PSG11: variants seen among roughly 807,000 people sequenced by gnomAD.
PSG11 encodes the protein pregnancy specific beta-1-glycoprotein 11, also known as pregnancy-specific beta-1-glycoprotein 11.
In PSG11, 42 loss-of-function variants were observed where a neutral mutation model predicts 36.0. That is an observed-to-expected ratio of 1.17 (90% CI 0.91 to 1.51). PSG11 has a LOEUF of 1.51. Ranked by LOEUF, PSG11 falls within the 40% of genes most tolerant of loss-of-function variation. The pLI is 0.00. For missense variants in PSG11, 558 were observed against 403.5 expected (o/e 1.38, Z -3.28); for synonymous variants, 206 against 153.5 (o/e 1.34, Z -2.53).
Position 43,014,420 on chromosome 19 carries a change from C to T in PSG11, c.964+696G>A, listed in dbSNP as rs1303707136. ...CACGTGCTGTGCCCACAGCCTCATACAGCCAGTGACTTCAGAGCCAGGACG... is the reference window on the plus strand; with the variant it reads ...CACGTGCTGTGCCCACAGCCTCATATAGCCAGTGACTTCAGAGCCAGGACG... On this transcript the variant is annotated intron_variant, in intron 4 of 5. Coordinates refer to ENST00000320078, the MANE Select transcript of PSG11 (RefSeq NM_002785.3). 6 of 951,154 alleles carry T rather than the reference C, an allele frequency of 6.3e-6. No homozygotes were observed. In the Admixed American group the frequency reaches 2.4e-4, roughly 39 times the overall value. 58.9% of individuals were successfully genotyped at this position (951,154 alleles called of 1,614,324 possible). A position where few individuals can be genotyped will look rare whatever the true frequency, so the allele number is the denominator to read the frequency against.
intron 4 of PSG11, chr19:43,014,830 CCTT>C (rs1966916984): frequency 9.2e-6 from 12 of 1,305,350 alleles, no homozygotes; most frequent in Non-Finnish European, 1.0e-6. Flanking sequence ...TCAGCACTCT[CCTT>C]CTTGTCCCTC....
intron 4 of PSG11, chr19:43,014,185 GAT>G (rs1966898505): frequency 3.1e-6 from 1 of 324,108 alleles, no homozygotes; most frequent in Non-Finnish European, 4.4e-6. Flanking sequence ...TCTGGAAATG[GAT>G]AGTGTGATGG....
chr19:43,026,203 A>G, intron 1 of PSG11, 106 bp downstream of exon 1: 3 of 1,526,498 alleles, frequency 2.0e-6, no homozygotes, highest in Non-Finnish European at 2.7e-6. Context: ...AGCCTCCCTA[A>G]ATGCTGGCTT....
At chr19:43,011,111 G>A (rs374853165) in intron 4 of PSG11, among the ~76,000 whole-genome samples, 3 of 150,900 alleles carry the variant, frequency 2.0e-5, no homozygotes, top group Non-Finnish European at 4.4e-5. Flanking sequence ...GTGGATCTGA[G>A]ATTTGATTCT....
Position 43,023,620 on chromosome 19 carries a change from C to G in PSG11, c.430+1071G>C, listed in dbSNP as rs550635459. ...GATGCCTAAGAAGAGAGGATTTGAG[C>G]CAATAAATGACTATGGGGTGCTTGG... On this transcript the variant is annotated intron_variant, in intron 2 of 5. Coordinates refer to ENST00000320078, the MANE Select transcript of PSG11 (RefSeq NM_002785.3). 9.3e-5 allele frequency among the ~76,000 whole-genome samples: 14 copies of G among 151,182 alleles called. 1 individual carries two copies. The highest frequency in any genetic ancestry group is 3.2e-4 in the African/African-American group (13 of 40,994).
chr19:43,026,124 G>C (rs1967248637), intron 1 of PSG11, among the ~76,000 whole-genome samples, 185 bp downstream of exon 1: 1 of 149,642 alleles, frequency 6.7e-6, no homozygotes, highest in African/African-American at 2.5e-5. Context: ...TGTACTTTTA[G>C]AAGAGACAGG....
intron 3 of PSG11, chr19:43,017,441 T>A (rs961849367): frequency 1.3e-5 from 2 of 151,360 alleles, no homozygotes; most frequent in African/African-American, 2.4e-5. Context: ...GTGATTAGTT[T>A]TCGGTGAATT....
Position 43,024,465 on chromosome 19 carries a change from G to C in PSG11, c.430+226C>G, listed in dbSNP as rs1286527069. 5 of 625,876 alleles carry C rather than the reference G, an allele frequency of 8.0e-6. No homozygotes were observed. In the East Asian group the frequency reaches 1.4e-4, roughly 18 times the overall value. The allele number at this position is 625,876 out of a possible 1,614,324, so 38.8% of individuals were successfully genotyped here. A position where few individuals can be genotyped will look rare whatever the true frequency, so the allele number is the denominator to read the frequency against. On this transcript the variant is annotated intron_variant, in intron 2 of 5. Coordinates refer to ENST00000320078, the MANE Select transcript of PSG11 (RefSeq NM_002785.3). The stretch of plus-strand genomic sequence containing the variant: ...TCCTGCTGAGTCCCCCCATCAGACT[G>C]TCCTTCCTCTGCAGCGAGTGTCTGC...
At position 43,024,606 on chromosome 19, in the gene PSG11, A is replaced by T. The variant is rs1967189785; in HGVS notation, c.430+85T>A. 1.9e-6 allele frequency: 3 copies of T among 1,600,996 alleles called. No individual in the cohort carries two copies. In the East Asian group the frequency reaches 6.7e-5, roughly 36 times the overall value. ...ACATAATGCAGAGAGGGACACAGGCAATGTCCAGGCCTGACAATCCTGTGT... is the reference window on the plus strand; with the variant it reads ...ACATAATGCAGAGAGGGACACAGGCTATGTCCAGGCCTGACAATCCTGTGT... On this transcript the variant is annotated intron_variant, in intron 2 of 5. Coordinates refer to ENST00000320078, the MANE Select transcript of PSG11 (RefSeq NM_002785.3).
chr19:43,014,996 G>T (rs139044489), intron 4 of PSG11, 120 bp downstream of exon 4: 7 of 1,582,166 alleles, frequency 4.4e-6, no homozygotes, highest in Non-Finnish European at 6.0e-6. Flanking sequence ...AGGAGAATTT[G>T]GGATTTGCCT....
rs539027260 is a variant in PSG11 at position 43,018,607 on chromosome 19, C to A, written c.709+163G>T. The A allele has an allele frequency of 7.9e-6, 12 of 1,512,936 alleles. 1 individual carries two copies. The South Asian group carries it at 1.4e-4, about 18-fold the overall frequency. The allele number at this position is 1,512,936 out of a possible 1,614,324, so 93.7% of individuals were successfully genotyped here. A position where few individuals can be genotyped will look rare whatever the true frequency, so the allele number is the denominator to read the frequency against. The stretch of plus-strand genomic sequence containing the variant: ...TCTTTTCTCCCACTGTGGATCAAGC[C>A]TAGGCCTACTGTGGTTTGTCTGGGG... On this transcript the variant is annotated intron_variant, in intron 3 of 5. Transcript: ENST00000320078.
chr19:43,024,992 G>T lies in PSG11; in HGVS notation c.129C>A (p.Pro43=), dbSNP rs150618995. ...GAACATCCTTCCCCTCGGACACTTT[G>T]GGTGGCTGGGCTTCAATCATGACTT... is the stretch of plus-strand genomic sequence containing the variant. ...TAQVMIEAQP[P]KVSEGKDVLL... Residue 43 remains proline (P), a synonymous_variant, in exon 2 of 6, where the codon CCC becomes CCA. Coordinates refer to ENST00000320078, the MANE Select transcript of PSG11 (RefSeq NM_002785.3). The T allele has an allele frequency of 9.9e-5, 159 of 1,611,198 alleles. 7 individuals are homozygous for T. Among genetic ancestry groups the T allele is most frequent in the Middle Eastern group, 1.7e-4 (1 of 6,054 alleles).
chr19:43,018,716 G>A lies in PSG11; in HGVS notation c.709+54C>T, dbSNP rs1277488867. On this transcript the variant is annotated intron_variant, in intron 3 of 5. Coordinates refer to ENST00000320078, the MANE Select transcript of PSG11 (RefSeq NM_002785.3). The stretch of plus-strand genomic sequence containing the variant: ...GAGGGACTGAGAGGCCTGGCCTCTG[G>A]CCATGTGTATTTGGGATGGCAGCCT... The A allele has an allele frequency of 2.3e-5, 37 of 1,611,590 alleles. 2 individuals carry two copies. The highest frequency in any genetic ancestry group is 1.1e-5 in the South Asian group (1 of 90,830).
At chr19:43,024,572 C>T in intron 2 of PSG11, 119 bp downstream of exon 2, 2 of 1,565,728 alleles carry the variant, frequency 1.3e-6, no homozygotes, top group African/African-American at 1.4e-5. Context: ...GCCCAAACCC[C>T]AGCATGGGAC....
intron 5 of PSG11, 127 bp from the exon 6 acceptor site, chr19:43,008,169 G>C (rs1180507066): frequency 3.6e-6 from 1 of 276,210 alleles, no homozygotes; most frequent in African/African-American, 2.2e-5. Context: ...AATTTATTAT[G>C]GTAAAGACAC....
At chr19:43,014,827 T>C in intron 4 of PSG11, 1 of 1,300,592 alleles carries the variant, frequency 7.7e-7, no homozygotes, top group East Asian at 2.6e-5. Flanking sequence ...TGTTCAGCAC[T>C]CTCCTTCTTG....
chr19:43,021,881 C>A (rs773820686), intron 2 of PSG11, among the ~76,000 whole-genome samples: 1 of 151,304 alleles, frequency 6.6e-6, no homozygotes, highest in South Asian at 2.1e-4. Context: ...CCTCTGACAC[C>A]CTGGTGAGTC....
At chr19:43,020,508 T>C (rs1029989019) in intron 2 of PSG11, among the ~76,000 whole-genome samples, 2 of 151,386 alleles carry the variant, frequency 1.3e-5, no homozygotes, top group East Asian at 3.9e-4. Context: ...AAAAAAAAAT[T>C]TGGAGGAAAC....
chr19:43,013,462 T>G (rs1966884498), intron 4 of PSG11, among the ~76,000 whole-genome samples: 1 of 150,618 alleles, frequency 6.6e-6, no homozygotes, highest in Non-Finnish European at 1.5e-5. Context: ...TAAAATGGAG[T>G]TTTATCCAAG....
Sources: allele counts gnomAD v4.1 joint callset (sites outside exome capture counted in the v4.1 genomes callset), GRCh38; gene constraint gnomAD v4.1.1; transcripts MANE v1.5; gene names NCBI Gene and HGNC (gene_info 2026-07-23, HGNC 2026-07-21).